Variants in SLC36A1 observed in about 807,000 individuals in gnomAD.
The protein encoded by SLC36A1 is proton-coupled amino acid transporter 1.
A neutral mutation model predicts 47.5 loss-of-function variants in SLC36A1; 30 were observed. The ratio of observed to expected loss-of-function variants is 0.63; its 90% confidence interval spans 0.47 to 0.86. The LOEUF is 0.86. Among genes scored for constraint, SLC36A1 ranks in the 40% least tolerant of loss-of-function variants. SLC36A1 has a pLI of 0.00. For synonymous variants in SLC36A1, 255 were observed against 249.7 expected (o/e 1.02, Z -0.20); for missense variants, 517 against 606.0 (o/e 0.85, Z 1.54).
At chr5:151,370,204 G>A in the SLC36A1 span, among the ~76,000 whole-genome samples, 3 of 152,254 alleles carry the variant, frequency 2.0e-5, no homozygotes, top group Non-Finnish European at 2.9e-5. Context: ...TGTATTGGAA[G>A]CAGATTATAT....
chr5:151,525,178 G>A, the SLC36A1 span, among the ~76,000 whole-genome samples: 4 of 152,272 alleles, frequency 2.6e-5, no homozygotes, highest in South Asian at 6.2e-4. Context: ...GAATAGTAGG[G>A]TCCACTGGAC....
chr5:151,531,377 C>G, the SLC36A1 span, among the ~76,000 whole-genome samples: 1 of 152,062 alleles, frequency 6.6e-6, no homozygotes, highest in Admixed American at 6.5e-5. This position sits in a 1 kb window ranked among gnomAD's most constrained non-coding sequence, Gnocchi z 5.7. Context: ...GTGGGAGGGT[C>G]CCGTTTAAGG....
the SLC36A1 span, chr5:151,537,823 C>T: frequency 1.8e-5 from 29 of 1,613,728 alleles, no homozygotes; most frequent in Admixed American, 2.2e-4. Flanking sequence ...AATTCATGCG[C>T]CCCAGGGCCA....
At chr5:151,345,946 T>C in the SLC36A1 span, among the ~76,000 whole-genome samples, 1 of 152,190 alleles carries the variant, frequency 6.6e-6, no homozygotes, top group Non-Finnish European at 1.5e-5. Context: ...GAGGAGAAAC[T>C]GGACACAAAG....
chr5:151,458,332 A>ATACATACACT (rs1561738077), intron 1 of SLC36A1, among the ~76,000 whole-genome samples: 5 of 108,370 alleles, frequency 4.6e-5, no homozygotes, highest in African/African-American at 1.7e-4. Flanking sequence ...ATATATATAT[A>ATACATACACT]TGGGATATTT....
the SLC36A1 span, among the ~76,000 whole-genome samples, chr5:151,363,602 T>C: frequency 6.6e-6 from 1 of 152,198 alleles, no homozygotes; most frequent in African/African-American, 2.4e-5. Context: ...TTTCTTTTTT[T>C]ACAGTAGTCC....
At chr5:151,512,955 G>A in the SLC36A1 span, among the ~76,000 whole-genome samples, 2 of 152,186 alleles carry the variant, frequency 1.3e-5, no homozygotes, top group Non-Finnish European at 2.9e-5. The surrounding 1 kb of genome is among the most constrained non-coding windows in gnomAD (Gnocchi z 4.1). Context: ...TTGGCCTTCA[G>A]CGATTTGAAA....
chr5:151,483,388 G>C (rs1759068646), intron 10 of SLC36A1, among the ~76,000 whole-genome samples: 1 of 152,192 alleles, frequency 6.6e-6, no homozygotes, highest in South Asian at 2.1e-4. Flanking sequence ...CTAATCATGT[G>C]GTCGAGCTGA....
chr5:151,386,454 TCA>T, the SLC36A1 span, among the ~76,000 whole-genome samples: 1 of 152,350 alleles, frequency 6.6e-6, no homozygotes, highest in Non-Finnish European at 1.5e-5. Context: ...ATCCTGTTTT[TCA>T]CAGTTACCCT....
chr5:151,367,361 A>ATTTTTTTTTT, the SLC36A1 span, among the ~76,000 whole-genome samples: 660 of 118,848 alleles, frequency 5.6e-3, 14 homozygotes, highest in African/African-American at 0.02. Context: ...CCAGGAATGC[A>ATTTTTTTTTT]TTTTTTTTTT....
the SLC36A1 span, among the ~76,000 whole-genome samples, chr5:151,379,153 C>A: frequency 6.6e-6 from 1 of 152,176 alleles, no homozygotes; most frequent in Non-Finnish European, 1.5e-5. Flanking sequence ...AGCCTATAGT[C>A]TCCTCAATGG....
chr5:151,435,378 A>C (rs1759708234), upstream of SLC36A1, among the ~76,000 whole-genome samples: 1 of 152,218 alleles, frequency 6.6e-6, no homozygotes, highest in Non-Finnish European at 1.5e-5. Flanking sequence ...ATTGGAGAGA[A>C]CTTCACTAAA....
chr5:151,473,632 C>CTTTTGCTTTG (rs3841626), intron 7 of SLC36A1, 41 bp from the exon 8 acceptor site: 19 of 1,306,306 alleles, frequency 1.5e-5, no homozygotes, highest in Non-Finnish European at 2.1e-5. Flanking sequence ...TCTGTATAGC[C>CTTTTGCTTTG]TTTTGCTTTG....
At chr5:151,485,041 C>T (rs1488680266) in intron 10 of SLC36A1, among the ~76,000 whole-genome samples, 2 of 152,108 alleles carry the variant, frequency 1.3e-5, no homozygotes, top group Admixed American at 1.3e-4. Flanking sequence ...TTTTGTTGAG[C>T]GTTAGATGAC....
chr5:151,531,807 C>G, the SLC36A1 span: 3 of 1,613,360 alleles, frequency 1.9e-6, no homozygotes, highest in Non-Finnish European at 2.5e-6. The surrounding 1 kb of genome is among the most constrained non-coding windows in gnomAD (Gnocchi z 5.7). Context: ...GCGTGGACAG[C>G]GGTATTGGGG....
At chr5:151,552,868 G>A in the SLC36A1 span, among the ~76,000 whole-genome samples, 2 of 152,216 alleles carry the variant, frequency 1.3e-5, no homozygotes, top group African/African-American at 2.4e-5. Flanking sequence ...GAAACACAAA[G>A]CATTTCTGCT....
At chr5:151,465,430 G>A (rs1371996904) in intron 5 of SLC36A1, among the ~76,000 whole-genome samples, 1 of 152,216 alleles carries the variant, frequency 6.6e-6, no homozygotes, top group African/African-American at 2.4e-5. Context: ...AGCTTTGGCG[G>A]TCTATGACCA....
At chr5:151,349,571 A>T in the SLC36A1 span, among the ~76,000 whole-genome samples, 15 of 152,276 alleles carry the variant, frequency 9.9e-5, no homozygotes, top group Middle Eastern at 3.4e-3. Flanking sequence ...TTCCAAAGGC[A>T]TGAGAACCCC....
At chr5:151,384,183 C>A in the SLC36A1 span, among the ~76,000 whole-genome samples, 3 of 152,276 alleles carry the variant, frequency 2.0e-5, no homozygotes, top group Admixed American at 1.3e-4. Flanking sequence ...CATCAGGAGA[C>A]CTGTGTTCTA....
Sources: allele counts gnomAD v4.1 joint callset (sites outside exome capture counted in the v4.1 genomes callset), GRCh38; gene constraint gnomAD v4.1.1; non-coding constraint Gnocchi (gnomAD v3.1); transcripts MANE v1.5; gene names NCBI Gene and HGNC (gene_info 2026-07-23, HGNC 2026-07-21).